Variants in MRO observed in about 807,000 individuals in gnomAD.
The protein encoded by MRO is maestro.
A neutral mutation model predicts 31.0 loss-of-function variants in MRO; 28 were observed. The observed-to-expected ratio is 0.90, with a 90% CI of 0.67 to 1.24. The LOEUF (loss-of-function observed/expected upper bound fraction) is 1.24. Among genes scored for constraint, MRO ranks in the 50% most tolerant of loss-of-function variants. The probability of loss-of-function intolerance (pLI) is 0.00; values close to 1 mark genes in which losing one functional copy is unlikely to be tolerated. For synonymous variants in MRO, 108 were observed against 108.4 expected (o/e 1.00, Z 0.02); for missense variants, 332 against 289.2 (o/e 1.15, Z -1.07).
intron 2 of MRO, 24 bp downstream of exon 2, chr18:50,819,557 G>GC (rs777032830): frequency 6.4e-7 from 1 of 1,551,168 alleles, no homozygotes. Context: ...GCATCTGGCT[G>GC]CCCCGGCCAA....
rs61728184 is a variant in MRO at position 50,809,144 on chromosome 18, C to CAAAAAAAAAAAAAAAAAAA, written c.99+139_99+157dup. On this transcript the variant is annotated intron_variant, in intron 3 of 7. Transcript: ENST00000398439. ...TGGGCGACAGAGCGAGACTCCGTCT[C>CAAAAAAAAAAAAAAAAAAA]AAAAAAAAAAAAAAAAAAAAAAAAA... is the stretch of plus-strand genomic sequence containing the variant. Among the ~76,000 whole-genome samples, 12 of 99,094 alleles carry CAAAAAAAAAAAAAAAAAAA rather than the reference C, an allele frequency of 1.2e-4. 1 individual carries two copies. The highest frequency in any genetic ancestry group is 2.0e-4 in the Admixed American group (2 of 9,922). 65.0% of individuals were successfully genotyped at this position (99,094 alleles called of 152,430 possible).
chr18:50,811,732 G>C (rs1914489272), intron 2 of MRO, among the ~76,000 whole-genome samples: 1 of 146,076 alleles, frequency 6.8e-6, no homozygotes, highest in Non-Finnish European at 1.5e-5. Context: ...GAATTGCTGA[G>C]TCATGTGGTA....
intron 1 of MRO, 68 bp from the exon 2 acceptor site, chr18:50,819,770 T>A: frequency 6.5e-7 from 1 of 1,546,846 alleles, no homozygotes; most frequent in Non-Finnish European, 8.7e-7. Context: ...CGGCACAGAG[T>A]GTTGGAAAGT....
chr18:50,802,606 G>A (rs1913453812), intron 5 of MRO, among the ~76,000 whole-genome samples: 1 of 152,156 alleles, frequency 6.6e-6, no homozygotes. Flanking sequence ...ACAAAGAACT[G>A]AGGGTCACAG....
At chr18:50,817,709 G>T (rs932025901) in intron 2 of MRO, among the ~76,000 whole-genome samples, 1 of 150,356 alleles carries the variant, frequency 6.7e-6, no homozygotes, top group Non-Finnish European at 1.5e-5. Context: ...TGGAAGTCAG[G>T]GAGGGAGCTG....
chr18:50,795,452 T>C lies in MRO; in HGVS notation c.*3885A>G, dbSNP rs988210816. ...CTAGCTACCCTACACAGCTGTTGTT[T>C]CTCGCTTTCAAAACATTCTAGTGCT... On this transcript the variant is annotated 3_prime_UTR_variant, in exon 8 of 8. Transcript: ENST00000398439. 2.0e-5 allele frequency: 3 copies of C among 152,258 alleles called. No homozygotes were observed. Among genetic ancestry groups the C allele is most frequent in the Non-Finnish European group, 4.4e-5 (3 of 68,050 alleles). 9.4% of individuals were successfully genotyped at this position (152,258 alleles called of 1,614,324 possible).
intron 6 of MRO, among the ~76,000 whole-genome samples, chr18:50,800,427 T>G (rs1281174989): frequency 6.6e-6 from 1 of 152,222 alleles, no homozygotes; most frequent in Non-Finnish European, 1.5e-5. Context: ...TTAATCTCTC[T>G]CTCAGTAACT....
In MRO at chr18:50,795,298, G is replaced by A. The variant is rs1912700349; in HGVS notation, c.*4039C>T. 1 of 152,098 alleles carries A rather than the reference G, an allele frequency of 6.6e-6. No individual in the cohort carries two copies. The highest frequency in any genetic ancestry group is 2.1e-4 in the South Asian group (1 of 4,820). The allele number at this position is 152,098 out of a possible 1,614,324, so 9.4% of individuals were successfully genotyped here. Reference sequence around the variant, plus strand: ...AGCATATATATCACTTACACTCATGGACTTTTTTTTCATTTTAAAAGGGCA... The same window carrying A: ...AGCATATATATCACTTACACTCATGAACTTTTTTTTCATTTTAAAAGGGCA... On this transcript the variant is annotated 3_prime_UTR_variant, in exon 8 of 8. Transcript: ENST00000398439.
In MRO at chr18:50,799,335, G is replaced by A. The variant is rs1267210039; in HGVS notation, c.*2C>T. The stretch of plus-strand genomic sequence containing the variant: ...CAGAACCATTTCCCTGCTGCTCTGC[G>A]CTTACAGAATTTTATTTGCGTAGAA... On this transcript the variant is annotated 3_prime_UTR_variant, in exon 8 of 8. Coordinates refer to ENST00000398439, the MANE Select transcript of MRO (RefSeq NM_031939.6). 4.3e-6 allele frequency: 7 copies of A among 1,613,066 alleles called. No homozygotes were observed. The highest frequency in any genetic ancestry group is 1.7e-5 in the Admixed American group (1 of 59,998).
At chr18:50,809,467 GTACA>G in intron 2 of MRO, 63 bp from the exon 3 acceptor site, 6 of 1,158,442 alleles carry the variant, frequency 5.2e-6, no homozygotes, top group Non-Finnish European at 7.7e-6. Flanking sequence ...AAACATTGTT[GTACA>G]ATGCATTGTG....
intron 2 of MRO, among the ~76,000 whole-genome samples, chr18:50,813,033 A>G (rs1201481039): frequency 6.6e-6 from 1 of 152,132 alleles, no homozygotes; most frequent in Non-Finnish European, 1.5e-5. Flanking sequence ...TGGCCAAACC[A>G]AGACACACTC....
chr18:50,809,435 G>A (rs770392347), intron 2 of MRO, 31 bp from the exon 3 acceptor site: 14 of 1,421,910 alleles, frequency 9.8e-6, no homozygotes, highest in Admixed American at 5.1e-5. Context: ...AATCACATGC[G>A]CCACAGACAC....
intron 7 of MRO, among the ~76,000 whole-genome samples, 199 bp from the exon 8 acceptor site, chr18:50,799,589 T>C (rs981136606): frequency 3.3e-5 from 5 of 152,160 alleles, no homozygotes; most frequent in Admixed American, 6.5e-5. Context: ...GCCATTTACA[T>C]TGTATGATGG....
intron 3 of MRO, among the ~76,000 whole-genome samples, chr18:50,809,006 C>T (rs975067580): frequency 6.0e-5 from 9 of 150,404 alleles, no homozygotes; most frequent in South Asian, 2.1e-4. Context: ...GGCGTAGTGG[C>T]GGGCGCCTGT....
At chr18:50,810,976 A>C (rs941902445) in intron 2 of MRO, among the ~76,000 whole-genome samples, 11 of 152,220 alleles carry the variant, frequency 7.2e-5, no homozygotes, top group African/African-American at 2.4e-4. Flanking sequence ...CGTGGGCTGG[A>C]ACAGCTGGTG....
chr18:50,809,144 C>CAAAAAAAAAAAAAAAAAAAAAAAA (rs61728184), intron 3 of MRO, among the ~76,000 whole-genome samples, 158 bp downstream of exon 3: 2 of 99,096 alleles, frequency 2.0e-5, no homozygotes, highest in Non-Finnish European at 3.8e-5. Context: ...GACTCCGTCT[C>CAAAAAAAAAAAAAAAAAAAAAAAA]AAAAAAAAAA....
upstream of MRO, among the ~76,000 whole-genome samples, chr18:50,821,835 G>C (rs527712121): frequency 6.6e-5 from 10 of 152,326 alleles, no homozygotes; most frequent in East Asian, 1.9e-3. Flanking sequence ...ATATCCAGGA[G>C]CCTTTCTGAT....
rs773660888 is a variant in MRO, at chr18:50,801,398, C to T, written c.536G>A (p.Arg179Gln). ...KFFTSQVKQT[R>Q]DSLLIHLQDR... ...CTGTAAATGGATCAGGAGGGAATCT[C>T]GTGTCTGCTTAACCTGACTGGTGAA... is the stretch of plus-strand genomic sequence containing the variant. The change falls in exon 6 of 8, where the codon CGA becomes CAA. Residue 179 changes from arginine (R) to glutamine (Q), a missense_variant. By Grantham distance (43) the Arg-to-Gln change is conservative. Coordinates refer to ENST00000398439, the MANE Select transcript of MRO (RefSeq NM_031939.6). The T allele has an allele frequency of 4.1e-5, 66 of 1,610,730 alleles. No individual in the cohort carries two copies. Among genetic ancestry groups the T allele is most frequent in the East Asian group, 6.7e-5 (3 of 44,854 alleles).
chr18:50,818,660 G>A (rs1178324061), intron 2 of MRO, among the ~76,000 whole-genome samples: 3 of 152,110 alleles, frequency 2.0e-5, no homozygotes, highest in Admixed American at 6.5e-5. Context: ...ATATTATGAA[G>A]GCCAAAATTA....
Sources: gnomAD v4.1 joint callset for allele counts (sites outside exome capture counted in the v4.1 genomes callset) on GRCh38, gnomAD v4.1.1 for gene constraint, MANE v1.5 for transcripts, NCBI Gene and HGNC (gene_info 2026-07-23, HGNC 2026-07-21) for gene names.